STK11: variants seen among roughly 807,000 people sequenced by gnomAD.
STK11 encodes serine/threonine kinase 11.
Under a neutral mutation model 47.3 loss-of-function variants are expected in STK11, and 8 were observed. The observed-to-expected ratio is 0.17, with a 90% CI of 0.10 to 0.31. The LOEUF (loss-of-function observed/expected upper bound fraction) is 0.31. Among genes scored for constraint, STK11 ranks in the 10% least tolerant of loss-of-function variants. The pLI, the probability that STK11 is intolerant of heterozygous loss-of-function variation, is 1.00. For synonymous variants in STK11, 330 were observed against 255.8 expected (o/e 1.29, Z -2.77); for missense variants, 475 against 605.0 (o/e 0.79, Z 2.25).
rs1037744595 is a variant in STK11, at chr19:1,227,621, C to T, written c.*45C>T. On this transcript the variant is annotated 3_prime_UTR_variant, in exon 10 of 10. Coordinates refer to ENST00000326873, the MANE Select transcript of STK11 (RefSeq NM_000455.5). ...GTGTCCAGGAGCCCCGCCAGGTGCC[C>T]GCGCCAGGCCCTCAGTCTTCCTGCC... The T allele has an allele frequency of 5.6e-6, 6 of 1,066,262 alleles. No homozygotes were observed. The highest frequency in any genetic ancestry group is 4.9e-5 in the East Asian group (1 of 20,262). The allele number at this position is 1,066,262 out of a possible 1,614,324, so 66.1% of individuals were successfully genotyped here. A position where few individuals can be genotyped will look rare whatever the true frequency, so the allele number is the denominator to read the frequency against.
rs1568711834 is a variant in STK11 at position 1,222,967 on chromosome 19, G to A, written c.921-18G>A. The A allele has an allele frequency of 6.5e-7, 1 of 1,533,350 alleles. No individual in the cohort carries two copies. Among genetic ancestry groups the A allele is most frequent in the Non-Finnish European group, 8.8e-7 (1 of 1,135,522 alleles). The allele number at this position is 1,533,350 out of a possible 1,614,324, so 95.0% of individuals were successfully genotyped here. A position where few individuals can be genotyped will look rare whatever the true frequency, so the allele number is the denominator to read the frequency against. On this transcript the variant is annotated intron_variant, in intron 7 of 9. Coordinates refer to ENST00000326873, the MANE Select transcript of STK11 (RefSeq NM_000455.5). ...TGGTGCCAGCCTGACAGGCGCCACTGCTTCTGGGCGTTTGCAGCTGGTTCC... is the reference window on the plus strand; with the variant it reads ...TGGTGCCAGCCTGACAGGCGCCACTACTTCTGGGCGTTTGCAGCTGGTTCC...
intron 8 of STK11, 68 bp downstream of exon 8, chr19:1,223,240 C>T: frequency 1.3e-6 from 2 of 1,530,102 alleles, no homozygotes. Flanking sequence ...GAGCAGGGTG[C>T]CTGCCTGTCT....
intron 1 of STK11, 39 bp from the exon 2 acceptor site, chr19:1,218,378 G>A (rs759787484): frequency 7.1e-6 from 11 of 1,557,880 alleles, no homozygotes; most frequent in Admixed American, 3.3e-5. Flanking sequence ...TCATCCTGAC[G>A]TTGGGTCGGC....
chr19:1,215,933 C>T (rs955317974), intron 1 of STK11, among the ~76,000 whole-genome samples: 6 of 151,566 alleles, frequency 4.0e-5, no homozygotes, highest in African/African-American at 7.3e-5. Flanking sequence ...GACAAGGTTT[C>T]ACCATGTTGG....
intron 1 of STK11, among the ~76,000 whole-genome samples, chr19:1,217,878 C>G (rs2080754769): frequency 6.6e-6 from 1 of 152,188 alleles, no homozygotes; most frequent in South Asian, 2.1e-4. Context: ...TACTGAGTTA[C>G]AAAGCTCAAT....
At chr19:1,209,248 C>T (rs2080692579) in intron 1 of STK11, among the ~76,000 whole-genome samples, 1 of 152,000 alleles carries the variant, frequency 6.6e-6, no homozygotes, top group Non-Finnish European at 1.5e-5. Flanking sequence ...CAGGTGCCCT[C>T]TAAAGGGGCC....
chr19:1,221,870 G>A (rs2080786686), intron 6 of STK11, 79 bp from the exon 7 acceptor site: 1 of 1,506,728 alleles, frequency 6.6e-7, no homozygotes, highest in African/African-American at 1.4e-5. Flanking sequence ...CCTGACAACA[G>A]AGGCTGGGCA....
At chr19:1,208,094 C>T (rs548988644) in intron 1 of STK11, among the ~76,000 whole-genome samples, 1 of 152,188 alleles carries the variant, frequency 6.6e-6, no homozygotes, top group Non-Finnish European at 1.5e-5. Context: ...CAAAACTTTG[C>T]CTCCTGTTTC....
intron 5 of STK11, among the ~76,000 whole-genome samples, 166 bp from the exon 6 acceptor site, chr19:1,221,047 G>A (rs936042045): frequency 6.6e-6 from 1 of 152,078 alleles, no homozygotes; most frequent in Non-Finnish European, 1.5e-5. Flanking sequence ...CTCCTACCCC[G>A]TAGCCTCCAC....
chr19:1,212,217 C>T (rs868121288), intron 1 of STK11, among the ~76,000 whole-genome samples: 1 of 150,942 alleles, frequency 6.6e-6, no homozygotes, highest in African/African-American at 2.4e-5. Flanking sequence ...CTGGACGGCC[C>T]GTATATCCCA....
intron 2 of STK11, 82 bp from the exon 3 acceptor site, chr19:1,219,242 C>T: frequency 1.3e-6 from 2 of 1,491,374 alleles, no homozygotes; most frequent in Non-Finnish European, 9.1e-7. Flanking sequence ...GAGGGTCCCT[C>T]CAGAGCCCCT....
At position 1,227,610 on chromosome 19, in the gene STK11, C is replaced by G. The variant is rs727503761; in HGVS notation, c.*34C>G. 1 of 1,065,842 alleles carries G rather than the reference C, an allele frequency of 9.4e-7. No individual in the cohort carries two copies. Among genetic ancestry groups the G allele is most frequent in the African/African-American group, 1.6e-5 (1 of 61,144 alleles). The allele number at this position is 1,065,842 out of a possible 1,614,324, so 66.0% of individuals were successfully genotyped here. ...CCCTGCAGCCCGTGTCCAGGAGCCCCGCCAGGTGCCCGCGCCAGGCCCTCA... is the reference window on the plus strand; with the variant it reads ...CCCTGCAGCCCGTGTCCAGGAGCCCGGCCAGGTGCCCGCGCCAGGCCCTCA... On this transcript the variant is annotated 3_prime_UTR_variant, in exon 10 of 10. Coordinates refer to ENST00000326873, the MANE Select transcript of STK11 (RefSeq NM_000455.5).
In STK11 at chr19:1,228,274, G is replaced by C. The variant is rs1003904516; in HGVS notation, c.*698G>C. On this transcript the variant is annotated 3_prime_UTR_variant, in exon 10 of 10. Transcript: ENST00000326873. ...CTCTTGGGACCCCAGAGAAAACCCG[G>C]AGCAAGCAGGAGTGTGCGGTCAATA... 9.4e-6 allele frequency: 3 copies of C among 319,586 alleles called. No homozygotes were observed. Among genetic ancestry groups the C allele is most frequent in the African/African-American group, 2.1e-5 (1 of 46,712 alleles). The allele number at this position is 319,586 out of a possible 1,614,324, so 19.8% of individuals were successfully genotyped here.
Position 1,227,917 on chromosome 19 carries a change from CCCAGCGCCGTCCGGCGGCCCCGCCGCAGA to C in STK11, c.*347_*375del. 1 of 1,070,598 alleles carries C rather than the reference CCCAGCGCCGTCCGGCGGCCCCGCCGCAGA, an allele frequency of 9.3e-7. No homozygotes were observed. Among genetic ancestry groups the C allele is most frequent in the Non-Finnish European group, 1.1e-6 (1 of 882,446 alleles). 66.3% of individuals were successfully genotyped at this position (1,070,598 alleles called of 1,614,324 possible). On this transcript the variant is annotated 3_prime_UTR_variant, in exon 10 of 10. Transcript: ENST00000326873. Reference sequence around the variant, plus strand: ...CCGTGGCCTCGTGCTCCGCAGGGCGCCCAGCGCCGTCCGGCGGCCCCGCCGCAGACCAGCTGGCGGGTGTGGAGACCAGG... The same window carrying C: ...CCGTGGCCTCGTGCTCCGCAGGGCGCCCAGCTGGCGGGTGTGGAGACCAGG...
intron 6 of STK11, chr19:1,221,715 C>A (rs2080785734): frequency 1.7e-6 from 1 of 604,152 alleles, no homozygotes; most frequent in East Asian, 2.8e-5. Context: ...GAGAACGGAA[C>A]CGCCCTGGCC....
intron 1 of STK11, among the ~76,000 whole-genome samples, chr19:1,217,725 G>A (rs2080753994): frequency 1.3e-5 from 2 of 152,208 alleles, no homozygotes; most frequent in South Asian, 2.1e-4. Flanking sequence ...TGGGACCCTC[G>A]GAGTTGGGAG....
At chr19:1,211,797 A>G (rs1377278354) in intron 1 of STK11, among the ~76,000 whole-genome samples, 2 of 152,230 alleles carry the variant, frequency 1.3e-5, no homozygotes, top group Non-Finnish European at 2.9e-5. Flanking sequence ...GGTGGGCGGC[A>G]CTCAGTGTGC....
At chr19:1,219,502 T>C in intron 3 of STK11, 89 bp downstream of exon 3, 1 of 1,361,230 alleles carries the variant, frequency 7.3e-7, no homozygotes, top group Non-Finnish European at 1.0e-6. Flanking sequence ...CTGCTTGTCC[T>C]GATATTCATT....
chr19:1,224,832 T>G (rs149988204), intron 8 of STK11: 17,379 of 985,506 alleles, frequency 0.018, 164 homozygotes, highest in Non-Finnish European at 0.02. Flanking sequence ...TACTCAGTAC[T>G]GGGTACTCAG....
Sources: gnomAD v4.1 joint callset for allele counts (sites outside exome capture counted in the v4.1 genomes callset) on GRCh38, gnomAD v4.1.1 for gene constraint, MANE v1.5 for transcripts, NCBI Gene and HGNC (gene_info 2026-07-23, HGNC 2026-07-21) for gene names.